The following EPB41L4A variants were observed in gnomAD, a reference collection of about 807,000 sequenced individuals.
The protein encoded by EPB41L4A is erythrocyte membrane protein band 4.1 like 4A.
A neutral mutation model predicts 108.6 loss-of-function variants in EPB41L4A; 100 were observed. The observed-to-expected ratio is 0.92, with a 90% CI of 0.78 to 1.09. EPB41L4A has a LOEUF of 1.09. EPB41L4A is among the 50% of genes least tolerant of loss of function. EPB41L4A has a pLI of 0.00. For synonymous variants in EPB41L4A, 319 were observed against 289.0 expected, an observed-to-expected ratio of 1.10 and a Z score of -1.05; for missense variants, 1,030 against 842.7, an observed-to-expected ratio of 1.22 and a Z score of -2.75.
chr5:112,179,714 CAT>C (rs1443733486), intron 18 of EPB41L4A, among the ~76,000 whole-genome samples: 1 of 152,116 alleles, frequency 6.6e-6, no homozygotes, highest in Non-Finnish European at 1.5e-5. Flanking sequence ...TATAATGTGA[CAT>C]ATTGAATGCT....
intron 1 of EPB41L4A, among the ~76,000 whole-genome samples, chr5:112,368,268 C>T (rs1759263825): frequency 6.6e-6 from 1 of 151,956 alleles, no homozygotes; most frequent in African/African-American, 2.4e-5. Context: ...TAAAATATTC[C>T]CTCATCCCCT....
chr5:112,338,827 G>A (rs1373369196), intron 1 of EPB41L4A, among the ~76,000 whole-genome samples: 1 of 152,148 alleles, frequency 6.6e-6, no homozygotes, highest in Admixed American at 6.5e-5. Context: ...AGTCCAAGAG[G>A]TGCAACAGAG....
intron 1 of EPB41L4A, among the ~76,000 whole-genome samples, chr5:112,322,075 G>A (rs182711899): frequency 4.6e-5 from 7 of 152,218 alleles, no homozygotes; most frequent in South Asian, 2.1e-4. Context: ...TATACTTTAC[G>A]TGTACTAACT....
At chr5:112,399,084 C>T (rs1214457591) in intron 1 of EPB41L4A, among the ~76,000 whole-genome samples, 1 of 152,124 alleles carries the variant, frequency 6.6e-6, no homozygotes, top group African/African-American at 2.4e-5. Flanking sequence ...CAAAATCAAA[C>T]CATCTAAACC....
chr5:112,373,650 G>T (rs1430528283), intron 1 of EPB41L4A, among the ~76,000 whole-genome samples: 2 of 152,096 alleles, frequency 1.3e-5, no homozygotes, highest in Admixed American at 6.5e-5. Context: ...TACTAAACTT[G>T]CCCAGCCAGC....
intron 2 of EPB41L4A, among the ~76,000 whole-genome samples, chr5:112,290,021 C>T (rs1040664464): frequency 6.6e-6 from 1 of 152,128 alleles, no homozygotes; most frequent in African/African-American, 2.4e-5. Flanking sequence ...ATGTCTTCAT[C>T]CCAGGTACTG....
At chr5:112,247,394 C>T (rs555245118) in intron 9 of EPB41L4A, among the ~76,000 whole-genome samples, 17 of 152,224 alleles carry the variant, frequency 1.1e-4, no homozygotes, top group African/African-American at 4.1e-4. Context: ...GCTACCCCTG[C>T]CCCTCTACCA....
At chr5:112,362,122 G>A (rs1758806416) in intron 1 of EPB41L4A, among the ~76,000 whole-genome samples, 11 of 152,182 alleles carry the variant, frequency 7.2e-5, no homozygotes, top group Admixed American at 7.2e-4. Flanking sequence ...TTCAGAGACA[G>A]GATCTCATTC....
intron 4 of EPB41L4A, among the ~76,000 whole-genome samples, chr5:112,269,279 A>T (rs1229019832): frequency 6.6e-6 from 1 of 152,216 alleles, no homozygotes. Flanking sequence ...AAAAAAATCA[A>T]AAACTGAAGG....
chr5:112,190,436 C>A (rs1387881210), intron 17 of EPB41L4A, among the ~76,000 whole-genome samples: 1 of 152,130 alleles, frequency 6.6e-6, no homozygotes, highest in Admixed American at 6.5e-5. Flanking sequence ...ATGAAACCCC[C>A]AGCACCTACC....
rs1188892686 is a variant in EPB41L4A, at chr5:112,362,523, C to T, written c.100-55033G>A. ...CTCAAACTCCTGACCTTAGGTGATC[C>T]GCCCACCTCAGCCTCCCAAAGTGCT... On this transcript the variant is annotated intron_variant, in intron 1 of 22. Coordinates refer to ENST00000261486, the MANE Select transcript of EPB41L4A (RefSeq NM_022140.5). 3.9e-5 allele frequency among the ~76,000 whole-genome samples: 6 copies of T among 152,204 alleles called. No individual in the cohort carries two copies. The South Asian group carries it at 6.2e-4, about 16-fold the overall frequency.
At chr5:112,355,657 T>C (rs766187414) in intron 1 of EPB41L4A, among the ~76,000 whole-genome samples, 1 of 152,224 alleles carries the variant, frequency 6.6e-6, no homozygotes, top group Non-Finnish European at 1.5e-5. Flanking sequence ...GCAGGAACTA[T>C]GTTTTGCCGA....
At position 112,239,675 on chromosome 5, in the gene EPB41L4A, T is replaced by A. The variant is rs370599906; in HGVS notation, c.950A>T (p.Tyr317Phe). The change falls in exon 11 of 23, where the codon TAT (tyrosine) becomes TTT (phenylalanine). Residue 317 changes from tyrosine to phenylalanine, a missense_variant. Physicochemically the swap from Tyr to Phe is conservative, Grantham distance 22. Transcript: ENST00000261486. ...TGTCATTTACCTGTAGCGGTGCTTA[T>A]AACGTATGGATCCAAACTTGCTGAG... ...RKLSKFGSIR[Y>F]KHRYSGRTAL... 1.2e-6 allele frequency: 2 copies of A among 1,605,752 alleles called. No homozygotes were observed. Among genetic ancestry groups the A allele is most frequent in the Non-Finnish European group, 1.7e-6 (2 of 1,176,382 alleles).
At chr5:112,167,107 C>A (rs1192392954) in intron 22 of EPB41L4A, among the ~76,000 whole-genome samples, 9 of 94,164 alleles carry the variant, frequency 9.6e-5, no homozygotes, top group African/African-American at 9.4e-5. Context: ...GTATTGAAAC[C>A]AACTAAAATT....
chr5:112,354,571 C>G (rs565353470), intron 1 of EPB41L4A, among the ~76,000 whole-genome samples: 101 of 152,238 alleles, frequency 6.6e-4, no homozygotes, highest in Middle Eastern at 3.4e-3. Context: ...TATACAACCC[C>G]CACCTTACCT....
At position 112,204,215 on chromosome 5, in the gene EPB41L4A, C is replaced by T. The variant is rs144560099; in HGVS notation, c.1376+160G>A. ...AAACTCTGGCTGTTTACGATAAATA[C>T]TTCAGGATTCCTAACTTATTTTATG... is the stretch of plus-strand genomic sequence containing the variant. On this transcript the variant is annotated intron_variant, in intron 15 of 22. Coordinates refer to ENST00000261486, the MANE Select transcript of EPB41L4A (RefSeq NM_022140.5). 1.4e-4 allele frequency among the ~76,000 whole-genome samples: 22 copies of T among 152,154 alleles called. No homozygotes were observed. The East Asian group carries it at 4.2e-3, about 29-fold the overall frequency.
intron 17 of EPB41L4A, among the ~76,000 whole-genome samples, chr5:112,189,487 C>T (rs1398308895): frequency 6.6e-6 from 1 of 152,198 alleles, no homozygotes; most frequent in Non-Finnish European, 1.5e-5. Flanking sequence ...TATATGTACA[C>T]AAACATGCAG....
intron 1 of EPB41L4A, among the ~76,000 whole-genome samples, chr5:112,374,429 TTAAAGA>T (rs1438246888): frequency 6.6e-6 from 1 of 152,130 alleles, no homozygotes; most frequent in African/African-American, 2.4e-5. Flanking sequence ...ACGTTGACAG[TTAAAGA>T]TGATGAAAAG....
chr5:112,254,793 G>A (rs1750953163), intron 9 of EPB41L4A, among the ~76,000 whole-genome samples: 1 of 151,880 alleles, frequency 6.6e-6, no homozygotes, highest in African/African-American at 2.4e-5. Flanking sequence ...CCCCTCGCCT[G>A]TCTCTTTCTT....
Sources: allele counts gnomAD v4.1 joint callset (sites outside exome capture counted in the v4.1 genomes callset), GRCh38; gene constraint gnomAD v4.1.1; transcripts MANE v1.5; gene names NCBI Gene and HGNC (gene_info 2026-07-23, HGNC 2026-07-21).